Variants in PALS2 observed in about 807,000 individuals in gnomAD.
PALS2 encodes the protein protein associated with LIN7 2, MAGUK p55 family member.
A neutral mutation model predicts 61.6 loss-of-function variants in PALS2; 27 were observed. That is an observed-to-expected ratio of 0.44 (90% CI 0.32 to 0.60). The LOEUF is 0.60. Among genes scored for constraint, PALS2 ranks in the 20% least tolerant of loss-of-function variants. The pLI, the probability that PALS2 is intolerant of heterozygous loss-of-function variation, is 0.05. For synonymous variants in PALS2, 236 were observed against 218.6 expected, an observed-to-expected ratio of 1.08 and a Z score of -0.70; for missense variants, 554 against 639.4, an observed-to-expected ratio of 0.87 and a Z score of 1.44.
intron 2 of PALS2, among the ~76,000 whole-genome samples, chr7:24,641,025 A>AC (rs1389321263): frequency 2.0e-5 from 3 of 151,358 alleles, no homozygotes; most frequent in Non-Finnish European, 4.4e-5. Context: ...AAAAAAAAAA[A>AC]AAAAAGAATT....
chr7:24,650,067 T>G (rs1786060681), intron 4 of PALS2, among the ~76,000 whole-genome samples: 1 of 152,120 alleles, frequency 6.6e-6, no homozygotes, highest in Admixed American at 6.6e-5. Flanking sequence ...TTTGAAGAAA[T>G]ACTGACAGTA....
At chr7:24,587,531 ATTTT>A (rs11310808) in intron 1 of PALS2, among the ~76,000 whole-genome samples, 1 of 140,956 alleles carries the variant, frequency 7.1e-6, no homozygotes, top group Non-Finnish European at 1.5e-5. Context: ...TGCCCAGCTA[ATTTT>A]TTTTTTTTTT....
chr7:24,675,022 C>A (rs1171618886), intron 9 of PALS2, among the ~76,000 whole-genome samples: 1 of 152,220 alleles, frequency 6.6e-6, no homozygotes, highest in East Asian at 1.9e-4. Flanking sequence ...TGTAGTCAAA[C>A]CTTCATGTTC....
chr7:24,640,782 G>A (rs1348830930), intron 2 of PALS2, among the ~76,000 whole-genome samples: 2 of 151,958 alleles, frequency 1.3e-5, no homozygotes, highest in Non-Finnish European at 2.9e-5. Context: ...GCCGAGGCGG[G>A]TGGATCACGA....
intron 1 of PALS2, among the ~76,000 whole-genome samples, chr7:24,608,137 T>C (rs1323617498): frequency 6.6e-6 from 1 of 152,214 alleles, no homozygotes; most frequent in East Asian, 1.9e-4. Context: ...TTTTACTCAC[T>C]GTTCATCACA....
Position 24,657,427 on chromosome 7 carries a change from T to C in PALS2, c.652-6163T>C, listed in dbSNP as rs995183391. Among the ~76,000 whole-genome samples the C allele has an allele frequency of 1.2e-4, 18 of 152,216 alleles. 1 individual carries two copies. The highest frequency in any genetic ancestry group is 4.3e-4 in the African/African-American group (18 of 41,468). On this transcript the variant is annotated intron_variant, in intron 5 of 11. Coordinates refer to ENST00000222644, the MANE Select transcript of PALS2 (RefSeq NM_001303037.2). ...CATTCTAATAGTGTGTAGTGGTATCTCACTGTGATTTTAATTTGCATTTTC... is the reference window on the plus strand; with the variant it reads ...CATTCTAATAGTGTGTAGTGGTATCCCACTGTGATTTTAATTTGCATTTTC...
At chr7:24,644,181 G>T (rs1198439833) in intron 3 of PALS2, among the ~76,000 whole-genome samples, 1 of 148,898 alleles carries the variant, frequency 6.7e-6, no homozygotes. Context: ...ATGGGGGTTT[G>T]TTGTACATAT....
intron 2 of PALS2, among the ~76,000 whole-genome samples, chr7:24,640,286 C>T (rs1485211451): frequency 6.6e-6 from 1 of 151,832 alleles, no homozygotes; most frequent in Non-Finnish European, 1.5e-5. Flanking sequence ...TAATATATAG[C>T]TTTCTTTTCC....
At chr7:24,665,721 C>G in intron 7 of PALS2, 34 bp downstream of exon 7, 2 of 1,552,570 alleles carry the variant, frequency 1.3e-6, no homozygotes, top group Non-Finnish European at 1.8e-6. Context: ...AACAAGCAGT[C>G]CTTTGTGACC....
chr7:24,650,465 C>CT lies in PALS2; in HGVS notation c.424-19dup, dbSNP rs758456362. On this transcript the variant is annotated intron_variant, in intron 4 of 11. Coordinates refer to ENST00000222644, the MANE Select transcript of PALS2 (RefSeq NM_001303037.2). ...TTCTCCCTAATAATTAATGAGAAAT[C>CT]TGTTTCTTATTTTTCATAGGGTGTG... 2.0e-6 allele frequency: 3 copies of CT among 1,520,908 alleles called. No individual in the cohort carries two copies. The African/African-American group carries it at 4.2e-5, about 21-fold the overall frequency. 94.2% of individuals were successfully genotyped at this position (1,520,908 alleles called of 1,614,324 possible).
At chr7:24,583,236 T>A (rs1230297583) in intron 1 of PALS2, among the ~76,000 whole-genome samples, 2 of 152,118 alleles carry the variant, frequency 1.3e-5, no homozygotes, top group African/African-American at 4.8e-5. Flanking sequence ...TTTTTATTTT[T>A]TAGCTAGTAA....
At position 24,663,392 on chromosome 7, in the gene PALS2, AAGT is replaced by A. The variant is rs1164403456; in HGVS notation, c.652-197_652-195del. 2.7e-5 allele frequency: 11 copies of A among 410,912 alleles called. No homozygotes were observed. In the East Asian group the frequency reaches 4.1e-4, roughly 15 times the overall value. The allele number at this position is 410,912 out of a possible 1,614,324, so 25.5% of individuals were successfully genotyped here. On this transcript the variant is annotated intron_variant, in intron 5 of 11. Transcript: ENST00000222644. Reference sequence around the variant, plus strand: ...AAAGTTAGATATTAAAGTAGAGAAGAAGTTTTATTATCTTTCTGATACCAAAAT... The same window carrying A: ...AAAGTTAGATATTAAAGTAGAGAAGATTTATTATCTTTCTGATACCAAAAT...
chr7:24,599,905 A>G (rs1254256174), intron 1 of PALS2, among the ~76,000 whole-genome samples: 1 of 152,122 alleles, frequency 6.6e-6, no homozygotes, highest in East Asian at 1.9e-4. Flanking sequence ...GGTCAGGATC[A>G]TCAATATCAG....
Position 24,666,049 on chromosome 7 carries a change from AAAAAAG to A in PALS2, c.920_925del (p.Lys307_Lys308del). ...CTTTTTGTGGAACTATAAGTAGCAA[AAAAAAG>A]AAAAAGATGATGTATCTCACAACCA... On this transcript the variant is annotated inframe_deletion, in exon 8 of 12. Transcript: ENST00000222644. The A allele has an allele frequency of 1.9e-6, 3 of 1,611,904 alleles. No homozygotes were observed. Among genetic ancestry groups the A allele is most frequent in the Non-Finnish European group, 2.5e-6 (3 of 1,178,564 alleles).
At chr7:24,679,067 T>C in intron 9 of PALS2, 64 bp from the exon 10 acceptor site, 1 of 1,458,206 alleles carries the variant, frequency 6.9e-7, no homozygotes, top group East Asian at 2.3e-5. Context: ...ACCCTATGTA[T>C]TTTAGTCTAT....
chr7:24,680,512 C>G lies in PALS2; in HGVS notation c.1438C>G (p.Leu480Val). 1 of 1,613,642 alleles carries G rather than the reference C, an allele frequency of 6.2e-7. No homozygotes were observed. Among genetic ancestry groups the G allele is most frequent in the Non-Finnish European group, 8.5e-7 (1 of 1,179,724 alleles). The change falls in exon 11 of 12, where the codon CTT (leucine) becomes GTT (valine). Residue 480 changes from leucine to valine, a missense_variant. By Grantham distance (32) the Leu-to-Val change is conservative. Transcript: ENST00000222644. ...GGTGGATGCAGGAATCACTACCAAGCTTCTGACCGTGAGCTAACCATACGA... is the reference window on the plus strand; with the variant it reads ...GGTGGATGCAGGAATCACTACCAAGGTTCTGACCGTGAGCTAACCATACGA... The part of the protein sequence containing the change: ...AVVDAGITTK[L>V]LTDSDLKKTV...
Position 24,680,495 on chromosome 7 carries a change from C to G in PALS2, c.1421C>G (p.Ala474Gly). 6.2e-7 allele frequency: 1 copy of G among 1,613,880 alleles called. No homozygotes were observed. The highest frequency in any genetic ancestry group is 8.5e-7 in the Non-Finnish European group (1 of 1,179,830). The change falls in exon 11 of 12, where the codon GCA becomes GGA. Residue 474 changes from alanine (A) to glycine (G), a missense_variant. By Grantham distance (60) the Ala-to-Gly change is moderately conservative. Transcript: ENST00000222644. The stretch of plus-strand genomic sequence containing the variant: ...GCCATGCACAAGGCTGTGGTGGATG[C>G]AGGAATCACTACCAAGCTTCTGACC... ...LRAMHKAVVD[A>G]GITTKLLTDS...
chr7:24,607,180 T>A (rs577905491), intron 1 of PALS2, among the ~76,000 whole-genome samples: 2 of 152,188 alleles, frequency 1.3e-5, no homozygotes, highest in Non-Finnish European at 2.9e-5. Flanking sequence ...TTAAAAATAC[T>A]ACATTGGGGA....
rs117940661 is a variant in PALS2, at chr7:24,577,955, T to C, written c.-3+4362T>C. On this transcript the variant is annotated intron_variant, in intron 1 of 11. Transcript: ENST00000222644. ...ATCTTGTCTCTTTTTGTTTTTGTTT[T>C]TGAGATAGAATCTCACTCGGTCACC... is the stretch of plus-strand genomic sequence containing the variant. Among the ~76,000 whole-genome samples the C allele has an allele frequency of 9.9e-3, 1,506 of 152,328 alleles. 6 individuals carry two copies. The highest frequency in any genetic ancestry group is 0.016 in the Non-Finnish European group (1,089 of 68,028).
Sources: gnomAD v4.1 joint callset for allele counts (sites outside exome capture counted in the v4.1 genomes callset) on GRCh38, gnomAD v4.1.1 for gene constraint, MANE v1.5 for transcripts, NCBI Gene and HGNC (gene_info 2026-07-23, HGNC 2026-07-21) for gene names.